Variants in RRM2 observed in about 807,000 individuals in gnomAD.
RRM2 encodes ribonucleotide reductase regulatory subunit M2.
A neutral mutation model predicts 45.9 loss-of-function variants in RRM2; 6 were observed. The ratio of observed to expected loss-of-function variants is 0.13; its 90% confidence interval spans 0.07 to 0.26. RRM2 has a LOEUF of 0.26. RRM2 is among the 10% of genes least tolerant of loss of function. The pLI, the probability that RRM2 is intolerant of heterozygous loss-of-function variation, is 1.00. For synonymous variants in RRM2, 177 were observed against 173.0 expected, an observed-to-expected ratio of 1.02 and a Z score of -0.18; for missense variants, 343 against 489.5, an observed-to-expected ratio of 0.70 and a Z score of 2.82.
At chr2:10,207,337 G>A (rs1664682030) in intron 3 of RRM2, among the ~76,000 whole-genome samples, 1 of 152,104 alleles carries the variant, frequency 6.6e-6, no homozygotes, top group Admixed American at 6.6e-5. Context: ...TGGCCTTCCA[G>A]CCCCTGAACC....
chr2:10,150,761 A>G (rs1395055890), intron 3 of RRM2, among the ~76,000 whole-genome samples: 2 of 122,756 alleles, frequency 1.6e-5, no homozygotes, highest in East Asian at 2.2e-4. Context: ...AGAATCCTAC[A>G]GTGTGTTGTG....
chr2:10,157,525 TC>T (rs982391921), intron 3 of RRM2, among the ~76,000 whole-genome samples: 1 of 152,144 alleles, frequency 6.6e-6, no homozygotes, highest in Non-Finnish European at 1.5e-5. Context: ...CGCCTCCATC[TC>T]CACTTCCATC....
chr2:10,191,922 T>C (rs1249763180), intron 3 of RRM2, among the ~76,000 whole-genome samples: 1 of 152,054 alleles, frequency 6.6e-6, no homozygotes, highest in Non-Finnish European at 1.5e-5. Flanking sequence ...GACAGGGAAA[T>C]GGCCTCGAAT....
At chr2:10,139,761 CAGAG>C (rs1000229118), upstream of RRM2, among the ~76,000 whole-genome samples, 1 of 152,208 alleles carries the variant, frequency 6.6e-6, no homozygotes, top group Non-Finnish European at 1.5e-5. Flanking sequence ...TTCTGGAACA[CAGAG>C]AGTGGTCTGT....
At chr2:10,140,108 G>A (rs975147544), upstream of RRM2, among the ~76,000 whole-genome samples, 3 of 152,250 alleles carry the variant, frequency 2.0e-5, no homozygotes, top group Non-Finnish European at 4.4e-5. Context: ...TTAGCTGGGC[G>A]TGGTGGCGGG....
chr2:10,141,559 G>T, exon 1 of RRM2: 1 of 419,098 alleles, frequency 2.4e-6, no homozygotes, highest in Non-Finnish European at 4.4e-6. Flanking sequence ...AACTGTGGTT[G>T]TGCTGGAATG....
At chr2:10,180,002 A>C (rs1368080071) in intron 3 of RRM2, among the ~76,000 whole-genome samples, 2 of 152,174 alleles carry the variant, frequency 1.3e-5, no homozygotes, top group East Asian at 3.9e-4. Flanking sequence ...CCTCTCTGTG[A>C]GAGCGGCCCC....
intron 3 of RRM2, among the ~76,000 whole-genome samples, chr2:10,189,197 G>T (rs1026609555): frequency 6.6e-6 from 1 of 152,266 alleles, no homozygotes; most frequent in Non-Finnish European, 1.5e-5. Flanking sequence ...CTCACAAGGG[G>T]CACTCCAGGT....
intron 3 of RRM2, among the ~76,000 whole-genome samples, chr2:10,162,372 T>C (rs1663580527): frequency 6.6e-6 from 1 of 152,008 alleles, no homozygotes; most frequent in South Asian, 2.1e-4. Flanking sequence ...GTTGCTGATA[T>C]TAGTCATGAG....
chr2:10,166,803 G>A (rs1663692322), intron 3 of RRM2, among the ~76,000 whole-genome samples: 1 of 152,218 alleles, frequency 6.6e-6, no homozygotes, highest in Non-Finnish European at 1.5e-5. Context: ...GTCCCCGCCT[G>A]TGTCCTAAGC....
At chr2:10,142,227 G>A in intron 2 of RRM2, 1 of 1,530,846 alleles carries the variant, frequency 6.5e-7, no homozygotes, top group Non-Finnish European at 8.9e-7. Flanking sequence ...TGCAGACCCA[G>A]GTAAAGAGTC....
intron 7 of RRM2, among the ~76,000 whole-genome samples, chr2:10,128,093 A>T (rs1028739620): frequency 6.6e-6 from 1 of 152,046 alleles, no homozygotes; most frequent in Non-Finnish European, 1.5e-5. Flanking sequence ...TGAACCTGGG[A>T]GGTGGAGGTT....
chr2:10,161,950 C>T (rs1252932132), intron 3 of RRM2, among the ~76,000 whole-genome samples: 1 of 152,190 alleles, frequency 6.6e-6, no homozygotes, highest in Non-Finnish European at 1.5e-5. Context: ...GGCAGAAAAC[C>T]GGGAGAGGGG....
Position 10,131,320 on chromosome 2 carries a change from T to C in RRM2, c.*1934T>C, listed in dbSNP as rs1443154108. 6.6e-6 allele frequency: 1 copy of C among 152,242 alleles called. No homozygotes were observed. The highest frequency in any genetic ancestry group is 1.5e-5 in the Non-Finnish European group (1 of 68,048). The allele number at this position is 152,242 out of a possible 1,614,324, so 9.4% of individuals were successfully genotyped here. A position where few individuals can be genotyped will look rare whatever the true frequency, so the allele number is the denominator to read the frequency against. ...GATTAACTTCTGCCAGCTCAGACCA[T>C]TTCCTAATCAGTTGAAAGGGAAACA... On this transcript the variant is annotated 3_prime_UTR_variant, in exon 10 of 10. Coordinates refer to ENST00000304567, the MANE Select transcript of RRM2 (RefSeq NM_001034.4).
chr2:10,157,633 G>A (rs1483634954), intron 3 of RRM2, among the ~76,000 whole-genome samples: 4 of 152,204 alleles, frequency 2.6e-5, no homozygotes, highest in African/African-American at 9.7e-5. Flanking sequence ...TCAACATTAT[G>A]CTTGTGAGAC....
chr2:10,164,005 T>TGC (rs1663626526), intron 3 of RRM2, among the ~76,000 whole-genome samples: 1 of 136,160 alleles, frequency 7.3e-6, no homozygotes, highest in Non-Finnish European at 1.7e-5. Context: ...CATGTGAATG[T>TGC]GTGCGTGTGT....
intron 3 of RRM2, among the ~76,000 whole-genome samples, chr2:10,156,814 T>C (rs1385717784): frequency 6.6e-6 from 1 of 151,438 alleles, no homozygotes; most frequent in Non-Finnish European, 1.5e-5. Flanking sequence ...ACTTTTTGTA[T>C]TTTTTGGTAG....
At chr2:10,164,365 T>A (rs1399688984) in intron 3 of RRM2, among the ~76,000 whole-genome samples, 2 of 152,164 alleles carry the variant, frequency 1.3e-5, no homozygotes, top group Non-Finnish European at 2.9e-5. Context: ...CCTAGGTGTG[T>A]GGACGGCTTA....
At chr2:10,134,834 A>G (rs1168685233), downstream of RRM2, among the ~76,000 whole-genome samples, 2 of 152,178 alleles carry the variant, frequency 1.3e-5, no homozygotes, top group African/African-American at 2.4e-5. Context: ...AAGCATGGAG[A>G]GAGTGGACAG....
Sources: allele counts gnomAD v4.1 joint callset (sites outside exome capture counted in the v4.1 genomes callset), GRCh38; gene constraint gnomAD v4.1.1; transcripts MANE v1.5; gene names NCBI Gene and HGNC (gene_info 2026-07-23, HGNC 2026-07-21).